Variants in GRM7 observed in about 807,000 individuals in gnomAD.
GRM7 encodes the protein glutamate metabotropic receptor 7, also known as metabotropic glutamate receptor 7.
In GRM7, 35 loss-of-function variants were observed where a neutral mutation model predicts 84.5. That is an observed-to-expected ratio of 0.41 (90% confidence interval 0.32 to 0.55). GRM7 has a LOEUF of 0.55. Among genes scored for constraint, GRM7 ranks in the 20% least tolerant of loss-of-function variants. The pLI, the probability that GRM7 is intolerant of heterozygous loss-of-function variation, is 0.19. For missense variants in GRM7, 1,003 were observed against 1,194.6 expected (o/e 0.84, Z 2.36); for synonymous variants, 487 against 455.1 (o/e 1.07, Z -0.89).
intron 1 of GRM7, among the ~76,000 whole-genome samples, chr3:6,905,602 C>T (rs766707270): frequency 6.6e-6 from 1 of 151,906 alleles, no homozygotes; most frequent in Non-Finnish European, 1.5e-5. Flanking sequence ...TTCTGTTGGC[C>T]AATTCCAATA....
intron 2 of GRM7, among the ~76,000 whole-genome samples, chr3:7,180,754 G>A (rs1019411318): frequency 6.6e-6 from 1 of 152,120 alleles, no homozygotes; most frequent in African/African-American, 2.4e-5. Context: ...AAAGACCTCT[G>A]TAAATTAAAT....
chr3:6,973,119 A>G (rs183190415), intron 1 of GRM7, among the ~76,000 whole-genome samples: 1 of 152,378 alleles, frequency 6.6e-6, no homozygotes, highest in Admixed American at 6.5e-5. Flanking sequence ...GTGGTAAGGC[A>G]AAAATAAGGT....
chr3:7,201,754 C>G (rs1478621377), intron 2 of GRM7, among the ~76,000 whole-genome samples: 1 of 149,164 alleles, frequency 6.7e-6, no homozygotes, highest in African/African-American at 2.6e-5. Flanking sequence ...GTTAATATCA[C>G]AGCCAGAATT....
intron 2 of GRM7, among the ~76,000 whole-genome samples, chr3:7,170,145 G>A (rs1694937166): frequency 6.6e-6 from 1 of 152,212 alleles, no homozygotes; most frequent in Non-Finnish European, 1.5e-5. Context: ...AGTCACGACA[G>A]AAGCATGTTC....
intron 8 of GRM7, among the ~76,000 whole-genome samples, chr3:7,634,983 GT>G (rs1698021440): frequency 6.6e-6 from 1 of 152,084 alleles, no homozygotes; most frequent in African/African-American, 2.4e-5. Context: ...TAACCACAGG[GT>G]ACATGGATCA....
chr3:7,101,358 C>A (rs560371916), intron 1 of GRM7, among the ~76,000 whole-genome samples: 51 of 151,660 alleles, frequency 3.4e-4, no homozygotes, highest in Middle Eastern at 3.4e-3. Flanking sequence ...TTGGTTATAA[C>A]TTGCATTTCT....
Position 7,579,071 on chromosome 3 carries a change from G to C in GRM7, c.2165G>C (p.Gly722Ala). The C allele has an allele frequency of 6.2e-7, 1 of 1,614,080 alleles. No individual in the cohort carries two copies. Among genetic ancestry groups the C allele is most frequent in the Non-Finnish European group, 8.5e-7 (1 of 1,180,000 alleles). ...VQLLGVFIWF[G>A]VDPPNIIIDY... ...CTTCTAGGGGTGTTCATTTGGTTTG[G>C]TGTTGATCCACCCAACATCATCATA... The change falls in exon 8 of 10, where the codon GGT becomes GCT. Residue 722 changes from glycine to alanine, a missense_variant. Coordinates refer to ENST00000357716, the MANE Select transcript of GRM7 (RefSeq NM_000844.4).
chr3:6,934,338 T>C (rs369516487), intron 1 of GRM7, among the ~76,000 whole-genome samples: 2 of 152,278 alleles, frequency 1.3e-5, no homozygotes, highest in African/African-American at 4.8e-5. Flanking sequence ...TAATATCGTT[T>C]CTGTACCAGG....
chr3:7,055,869 C>A (rs1177268913), intron 1 of GRM7, among the ~76,000 whole-genome samples: 1 of 151,856 alleles, frequency 6.6e-6, no homozygotes, highest in Non-Finnish European at 1.5e-5. Flanking sequence ...CACTCATGGC[C>A]CTCTCAGTAT....
intron 1 of GRM7, among the ~76,000 whole-genome samples, chr3:7,085,543 G>A (rs555154949): frequency 3.2e-4 from 48 of 152,148 alleles, no homozygotes; most frequent in African/African-American, 1.0e-3. Flanking sequence ...TTCCATATTG[G>A]CAAACTAAGA....
chr3:7,009,974 T>G (rs568528812), intron 1 of GRM7, among the ~76,000 whole-genome samples: 3 of 152,316 alleles, frequency 2.0e-5, no homozygotes, highest in African/African-American at 7.2e-5. Flanking sequence ...AAAAGCAACC[T>G]TTTCCCTAAA....
intron 1 of GRM7, among the ~76,000 whole-genome samples, chr3:7,064,530 A>C (rs1462068946): frequency 9.2e-6 from 1 of 109,018 alleles, no homozygotes; most frequent in Non-Finnish European, 1.9e-5. Flanking sequence ...ACACACACAC[A>C]CGCATCCATC....
chr3:7,525,032 A>G (rs1239542), intron 7 of GRM7, among the ~76,000 whole-genome samples: 90,244 of 148,006 alleles, frequency 0.61, 28,481 homozygotes, highest in African/African-American at 0.79. Context: ...ACCAAACACC[A>G]CATGTTCTCA....
At chr3:7,157,597 G>T (rs923617536) in intron 2 of GRM7, among the ~76,000 whole-genome samples, 2 of 151,634 alleles carry the variant, frequency 1.3e-5, no homozygotes, top group African/African-American at 4.8e-5. Flanking sequence ...TTTCTAAAAA[G>T]ATACAAAATG....
At chr3:6,864,491 T>C (rs998775117) in intron 1 of GRM7, among the ~76,000 whole-genome samples, 2 of 152,108 alleles carry the variant, frequency 1.3e-5, no homozygotes, top group African/African-American at 4.8e-5. Context: ...AAAGGCACAC[T>C]TAGAGGGAGA....
chr3:7,015,872 T>C (rs1031052297), intron 1 of GRM7, among the ~76,000 whole-genome samples: 2 of 152,218 alleles, frequency 1.3e-5, no homozygotes, highest in Non-Finnish European at 2.9e-5. Context: ...TCAGAAGTCA[T>C]GCATGTTACT....
At chr3:6,869,629 A>C (rs1159020558) in intron 1 of GRM7, among the ~76,000 whole-genome samples, 1 of 151,976 alleles carries the variant, frequency 6.6e-6, no homozygotes, top group Non-Finnish European at 1.5e-5. Context: ...AAAGAGCAAA[A>C]GAGAGAACAG....
intron 7 of GRM7, among the ~76,000 whole-genome samples, chr3:7,507,281 C>T (rs1291214500): frequency 1.3e-5 from 2 of 152,036 alleles, no homozygotes; most frequent in Admixed American, 6.6e-5. Context: ...CAGCAGTGGG[C>T]TTATTGCAGA....
intron 1 of GRM7, among the ~76,000 whole-genome samples, chr3:6,948,247 A>G (rs539922160): frequency 6.6e-6 from 1 of 152,138 alleles, no homozygotes; most frequent in South Asian, 2.1e-4. Flanking sequence ...AGATTCTGGT[A>G]TGTTGTGTCT....
Sources: allele counts gnomAD v4.1 joint callset (sites outside exome capture counted in the v4.1 genomes callset), GRCh38; gene constraint gnomAD v4.1.1; transcripts MANE v1.5; gene names NCBI Gene and HGNC (gene_info 2026-07-23, HGNC 2026-07-21).